Variants in NR3C1 observed in about 807,000 individuals in gnomAD.
NR3C1 encodes glucocorticoid receptor.
In NR3C1, 14 loss-of-function variants were observed where a neutral mutation model predicts 74.0. The observed-to-expected ratio is 0.19, with a 90% CI of 0.12 to 0.30. The LOEUF (loss-of-function observed/expected upper bound fraction) is 0.30. Ranked by LOEUF, NR3C1 falls within the 10% of genes least tolerant of loss-of-function variation. The pLI, the probability that NR3C1 is intolerant of heterozygous loss-of-function variation, is 1.00. For synonymous variants in NR3C1, 308 were observed against 332.5 expected (o/e 0.93, Z 0.80); for missense variants, 695 against 909.8 (o/e 0.76, Z 3.04).
At chr5:143,397,607 T>G (rs1050671342) in intron 2 of NR3C1, among the ~76,000 whole-genome samples, 3 of 151,914 alleles carry the variant, frequency 2.0e-5, no homozygotes, top group Non-Finnish European at 3.0e-5. Flanking sequence ...GTATAAAGTA[T>G]TATACCTTCT....
At chr5:143,402,771 G>C (rs1014839134) in intron 1 of NR3C1, 23 of 985,242 alleles carry the variant, frequency 2.3e-5, no homozygotes, top group East Asian at 1.1e-4. Flanking sequence ...GCTCGCGCTC[G>C]GGCGCGCCGG....
intron 2 of NR3C1, among the ~76,000 whole-genome samples, chr5:143,352,166 G>A (rs933786033): frequency 6.6e-6 from 1 of 152,032 alleles, no homozygotes; most frequent in East Asian, 1.9e-4. Flanking sequence ...GTATGCTGAT[G>A]ACAAAATATG....
intron 4 of NR3C1, among the ~76,000 whole-genome samples, chr5:143,306,439 T>A (rs1018453757): frequency 3.9e-5 from 6 of 152,222 alleles, no homozygotes; most frequent in African/African-American, 1.4e-4. Context: ...CATACGTACA[T>A]ACCAGGCCAA....
chr5:143,301,227 T>G (rs1258333975), intron 4 of NR3C1, among the ~76,000 whole-genome samples: 1 of 152,136 alleles, frequency 6.6e-6, no homozygotes. Flanking sequence ...TAAATCATGG[T>G]AGTATATATA....
intron 2 of NR3C1, among the ~76,000 whole-genome samples, chr5:143,336,099 CACTT>C (rs1048805686): frequency 1.1e-4 from 17 of 152,206 alleles, no homozygotes; most frequent in African/African-American, 4.1e-4. Flanking sequence ...AGTACTTAAA[CACTT>C]AGTCCATTGA....
At chr5:143,403,730 C>T (rs1252932518), upstream of NR3C1, 11 of 985,066 alleles carry the variant, frequency 1.1e-5, no homozygotes, top group Non-Finnish European at 1.3e-5. Context: ...CCCACTCCAC[C>T]CCCGGCCGCT....
intron 1 of NR3C1, among the ~76,000 whole-genome samples, chr5:143,427,033 C>G (rs1186542411): frequency 6.6e-6 from 1 of 152,174 alleles, no homozygotes; most frequent in Admixed American, 6.5e-5. Flanking sequence ...TTCTTCATTT[C>G]TGTTCCTTTT....
At chr5:143,284,969 A>G (rs972413078) in intron 7 of NR3C1, among the ~76,000 whole-genome samples, 1 of 151,610 alleles carries the variant, frequency 6.6e-6, no homozygotes, top group African/African-American at 2.4e-5. Flanking sequence ...GGGTCAGACT[A>G]CTGGAAACGA....
At chr5:143,350,794 T>C (rs966956418) in intron 2 of NR3C1, among the ~76,000 whole-genome samples, 1 of 152,102 alleles carries the variant, frequency 6.6e-6, no homozygotes, top group South Asian at 2.1e-4. Context: ...GCTAGAGAAG[T>C]AGAAGGAGGA....
chr5:143,433,664 A>G (rs1751980617), intron 1 of NR3C1: 1 of 151,938 alleles, frequency 6.6e-6, no homozygotes, highest in African/African-American at 2.4e-5. Flanking sequence ...CAGGCTTAAC[A>G]TTCAAAATAA....
chr5:143,341,099 G>A (rs1418534487), intron 2 of NR3C1, among the ~76,000 whole-genome samples: 1 of 152,186 alleles, frequency 6.6e-6, no homozygotes. Context: ...ATAAGCTGTT[G>A]TAGTTTCGAA....
intron 2 of NR3C1, among the ~76,000 whole-genome samples, chr5:143,362,894 A>G (rs944112004): frequency 6.6e-6 from 1 of 152,178 alleles, no homozygotes; most frequent in African/African-American, 2.4e-5. Context: ...AAAGCTGGGG[A>G]GTCTGTAAGG....
chr5:143,412,275 G>T (rs1841319749), intron 1 of NR3C1, among the ~76,000 whole-genome samples: 1 of 135,978 alleles, frequency 7.4e-6, no homozygotes, highest in Non-Finnish European at 1.6e-5. Context: ...GGGGGGGAGG[G>T]GGGAGGGGAA....
chr5:143,332,872 C>G, intron 2 of NR3C1: 1 of 1,472,566 alleles, frequency 6.8e-7, no homozygotes, highest in Non-Finnish European at 9.4e-7. Context: ...AAAGTTACCC[C>G]CTAGAATCTA....
Position 143,300,810 on chromosome 5 carries a change from G to C in NR3C1, c.1469-47C>G. 6.5e-7 allele frequency: 1 copy of C among 1,532,718 alleles called. No homozygotes were observed. The highest frequency in any genetic ancestry group is 2.2e-5 in the East Asian group (1 of 44,514). The allele number at this position is 1,532,718 out of a possible 1,614,324, so 94.9% of individuals were successfully genotyped here. A position where few individuals can be genotyped will look rare whatever the true frequency, so the allele number is the denominator to read the frequency against. ...CATAGAAATGAACTGTAATGGGAAG[G>C]TCTGCGCTACACAGTTTATTCAAGA... On this transcript the variant is annotated intron_variant, in intron 4 of 8. Transcript: ENST00000394464. The surrounding 1 kb of genome is among the most constrained non-coding windows in gnomAD (Gnocchi z 5.2).
chr5:143,370,313 AC>A (rs767786788), intron 2 of NR3C1, among the ~76,000 whole-genome samples: 3 of 152,176 alleles, frequency 2.0e-5, no homozygotes, highest in Non-Finnish European at 2.9e-5. Flanking sequence ...ACAAGATGGT[AC>A]CCCTTGCATA....
intron 2 of NR3C1, among the ~76,000 whole-genome samples, chr5:143,346,816 G>C (rs1829378452): frequency 1.3e-5 from 2 of 152,248 alleles, no homozygotes; most frequent in South Asian, 4.1e-4. Flanking sequence ...TTCAATTTAG[G>C]ATATTTTCTT....
At chr5:143,434,630 C>A in exon 1 of NR3C1, 4 of 985,414 alleles carry the variant, frequency 4.1e-6, no homozygotes, top group Non-Finnish European at 4.8e-6. Context: ...ACAACTAAAG[C>A]CCGAGGAGGG....
At chr5:143,412,672 C>T (rs1841333117) in intron 1 of NR3C1, among the ~76,000 whole-genome samples, 1 of 152,286 alleles carries the variant, frequency 6.6e-6, no homozygotes, top group African/African-American at 2.4e-5. Flanking sequence ...AATCTATATT[C>T]CACATTACAG....
Sources: gnomAD v4.1 joint callset for allele counts (sites outside exome capture counted in the v4.1 genomes callset) on GRCh38, gnomAD v4.1.1 for gene constraint, Gnocchi (gnomAD v3.1) non-coding constraint, MANE v1.5 for transcripts, NCBI Gene and HGNC (gene_info 2026-07-23, HGNC 2026-07-21) for gene names.